Variants in CSMD1 observed in about 807,000 individuals in gnomAD.
CSMD1 encodes the protein CUB and Sushi multiple domains 1.
In CSMD1, 213 loss-of-function variants were observed where a neutral mutation model predicts 417.5. The observed-to-expected ratio is 0.51, with a 90% CI of 0.46 to 0.57. The LOEUF is 0.57. Among genes scored for constraint, CSMD1 ranks in the 20% least tolerant of loss-of-function variants. CSMD1 has a pLI of 0.00. For missense variants in CSMD1, 6,923 were observed against 4,529.7 expected (o/e 1.53, Z -15.17); for synonymous variants, 2,862 against 1,736.8 (o/e 1.65, Z -16.11).
intron 2 of CSMD1, among the ~76,000 whole-genome samples, chr8:4,557,629 C>T (rs757399092): frequency 1.3e-5 from 2 of 151,082 alleles, no homozygotes; most frequent in African/African-American, 2.4e-5. Context: ...ACAGCAGTAT[C>T]CCAGAACAGA....
intron 1 of CSMD1, among the ~76,000 whole-genome samples, chr8:4,917,027 G>A (rs996899814): frequency 1.3e-5 from 2 of 152,150 alleles, no homozygotes; most frequent in Non-Finnish European, 2.9e-5. Context: ...CCTGAGACTG[G>A]GTAATTTTTG....
intron 8 of CSMD1, among the ~76,000 whole-genome samples, chr8:3,610,549 G>T (rs1398676186): frequency 6.6e-6 from 1 of 152,048 alleles, no homozygotes; most frequent in Admixed American, 6.6e-5. Context: ...ATATAATATA[G>T]GTCATGTACA....
At chr8:4,089,571 G>A (rs1173581786) in intron 3 of CSMD1, among the ~76,000 whole-genome samples, 4 of 152,206 alleles carry the variant, frequency 2.6e-5, no homozygotes, top group East Asian at 1.9e-4. Context: ...GCATTACTTA[G>A]TTATTATACC....
At chr8:3,706,630 T>G (rs1339827558) in intron 7 of CSMD1, among the ~76,000 whole-genome samples, 1 of 152,182 alleles carries the variant, frequency 6.6e-6, no homozygotes, top group East Asian at 1.9e-4. Context: ...TGCCTCAATC[T>G]TACAGTAGCA....
chr8:4,964,351 A>G (rs978638017), intron 1 of CSMD1, among the ~76,000 whole-genome samples: 2 of 151,768 alleles, frequency 1.3e-5, no homozygotes, highest in Non-Finnish European at 2.9e-5. Context: ...CATTTCTACA[A>G]AAAGTACAAG....
chr8:2,955,948 C>T (rs1802977284), intron 63 of CSMD1, among the ~76,000 whole-genome samples, 180 bp from the exon 64 acceptor site: 1 of 151,508 alleles, frequency 6.6e-6, no homozygotes, highest in Non-Finnish European at 1.5e-5. Flanking sequence ...GCTATGTTGT[C>T]CAGTCTGTGC....
At position 3,445,386 on chromosome 8, in the gene CSMD1, C is replaced by T. The variant is rs115162199; in HGVS notation, c.1561+23326G>A. On this transcript the variant is annotated intron_variant, in intron 12 of 69. Coordinates refer to ENST00000635120, the MANE Select transcript of CSMD1 (RefSeq NM_033225.6). The stretch of plus-strand genomic sequence containing the variant: ...TGTTACCATCTTATTTTCACAAACA[C>T]TCAAGAGGCAGATATGACTGTGCCT... Among the ~76,000 whole-genome samples, 5 of 152,154 alleles carry T rather than the reference C, an allele frequency of 3.3e-5. No individual in the cohort carries two copies. In the East Asian group the frequency reaches 9.6e-4, roughly 29 times the overall value.
intron 2 of CSMD1, among the ~76,000 whole-genome samples, chr8:4,458,247 G>T (rs755034708): frequency 2.0e-5 from 3 of 151,924 alleles, no homozygotes; most frequent in Non-Finnish European, 4.4e-5. Context: ...CACTTAAATG[G>T]TTGCAGAGTA....
At chr8:3,453,330 T>G (rs1055769115) in intron 12 of CSMD1, among the ~76,000 whole-genome samples, 1 of 152,212 alleles carries the variant, frequency 6.6e-6, no homozygotes, top group African/African-American at 2.4e-5. Context: ...GCTCTGATCT[T>G]AGTTATTTCT....
At chr8:4,525,424 G>A (rs1563256041) in intron 2 of CSMD1, among the ~76,000 whole-genome samples, 3 of 152,234 alleles carry the variant, frequency 2.0e-5, no homozygotes, top group Admixed American at 6.5e-5. Context: ...CAATGGGAAT[G>A]CTCTACTTTA....
intron 3 of CSMD1, among the ~76,000 whole-genome samples, chr8:4,169,453 T>G (rs1439941950): frequency 2.0e-5 from 3 of 152,152 alleles, no homozygotes; most frequent in African/African-American, 7.2e-5. Flanking sequence ...CTAGTTTTCT[T>G]CAACATATCC....
chr8:3,249,022 T>C (rs1452787862), intron 26 of CSMD1, among the ~76,000 whole-genome samples: 2 of 152,140 alleles, frequency 1.3e-5, no homozygotes, highest in South Asian at 2.1e-4. Flanking sequence ...GTAATTGTCC[T>C]GCTCGTTGAT....
intron 3 of CSMD1, among the ~76,000 whole-genome samples, chr8:4,059,508 G>T (rs549830329): frequency 0.022 from 3,400 of 151,856 alleles, 42 homozygotes; most frequent in Middle Eastern, 0.037. Context: ...CCAGGAGCTG[G>T]TTTTTTGAAA....
chr8:4,187,651 G>C (rs957497071), intron 3 of CSMD1, among the ~76,000 whole-genome samples: 3 of 103,012 alleles, frequency 2.9e-5, no homozygotes, highest in Non-Finnish European at 5.3e-5. Flanking sequence ...ACTCCAGCCT[G>C]GGCAACAAGA....
intron 26 of CSMD1, among the ~76,000 whole-genome samples, chr8:3,249,325 G>A (rs940043889): frequency 6.6e-6 from 1 of 152,104 alleles, no homozygotes; most frequent in Admixed American, 6.5e-5. Context: ...GGGTTCATGT[G>A]ATTCTCAATG....
chr8:4,651,887 G>A lies in CSMD1; in HGVS notation c.86-14329C>T, dbSNP rs374453776. On this transcript the variant is annotated intron_variant, in intron 1 of 69. Transcript: ENST00000635120. ...AAAGAACCCTGGCCTGCAAGTTAGGGAGAGACATTAGATTATCTTTCATGT... is the reference window on the plus strand; with the variant it reads ...AAAGAACCCTGGCCTGCAAGTTAGGAAGAGACATTAGATTATCTTTCATGT... Among the ~76,000 whole-genome samples the A allele has an allele frequency of 7.9e-5, 12 of 152,306 alleles. No individual in the cohort carries two copies. The East Asian group carries it at 2.1e-3, about 27-fold the overall frequency.
At chr8:3,718,468 G>A (rs532902761) in intron 6 of CSMD1, among the ~76,000 whole-genome samples, 1 of 152,270 alleles carries the variant, frequency 6.6e-6, no homozygotes, top group South Asian at 2.1e-4. Flanking sequence ...GTCATCTTTT[G>A]CACCAGGAAA....
rs6558702 is a variant in CSMD1, at chr8:3,052,470, G to A, written c.7652C>T (p.Thr2551Met). The A allele has an allele frequency of 0.76, 1,202,306 of 1,573,830 alleles. 461,491 individuals carry two copies. The highest frequency in any genetic ancestry group is 0.82 in the East Asian group (35,108 of 42,924). ...GLWSNKGKPP[T>M]CKPVACPSIE... ...TGCCCCTGAACACTTACGCTTACAC[G>A]TGGGCGGCTTCCCCTTGTTACTCCA... Residue 2551 changes from threonine to methionine, a missense_variant, in exon 50 of 70, where the codon ACG (threonine) becomes ATG (methionine). Thr to Met is a moderately conservative substitution (Grantham distance 81). Transcript: ENST00000635120.
intron 23 of CSMD1, among the ~76,000 whole-genome samples, chr8:3,314,365 C>G (rs963343986): frequency 2.6e-5 from 4 of 152,082 alleles, no homozygotes. Context: ...TTTGACTGAT[C>G]AATTTTAAGC....
Sources: allele counts gnomAD v4.1 joint callset (sites outside exome capture counted in the v4.1 genomes callset), GRCh38; gene constraint gnomAD v4.1.1; transcripts MANE v1.5; gene names NCBI Gene and HGNC (gene_info 2026-07-23, HGNC 2026-07-21).